SUMF1: variants seen among roughly 807,000 people sequenced by gnomAD.
SUMF1 encodes the protein sulfatase modifying factor 1.
In SUMF1, 48 loss-of-function variants were observed where a neutral mutation model predicts 47.6. The ratio of observed to expected loss-of-function variants is 1.01; its 90% CI spans 0.80 to 1.28. The LOEUF is 1.28. Among genes scored for constraint, SUMF1 ranks in the 50% most tolerant of loss-of-function variants. The pLI is 0.00. For synonymous variants in SUMF1, 230 were observed against 192.1 expected, an observed-to-expected ratio of 1.20 and a Z score of -1.63; for missense variants, 571 against 485.4, an observed-to-expected ratio of 1.18 and a Z score of -1.66.
At chr3:4,081,382 G>A (rs1364813579) in intron 8 of SUMF1, among the ~76,000 whole-genome samples, 3 of 152,080 alleles carry the variant, frequency 2.0e-5, no homozygotes, top group Non-Finnish European at 4.4e-5. Context: ...CAAGATCCCT[G>A]TCATATTCTC....
chr3:4,109,761 G>A (rs1451843794), intron 8 of SUMF1, among the ~76,000 whole-genome samples: 1 of 152,086 alleles, frequency 6.6e-6, no homozygotes, highest in Non-Finnish European at 1.5e-5. Context: ...CTTGTGCCAT[G>A]GTTTTCAGCT....
chr3:4,067,028 C>A (rs1256900226), intron 9 of SUMF1, among the ~76,000 whole-genome samples: 2 of 152,102 alleles, frequency 1.3e-5, no homozygotes, highest in African/African-American at 4.8e-5. Flanking sequence ...CTCATTATCC[C>A]CTGGTAATCA....
chr3:4,420,159 C>G lies in SUMF1; in HGVS notation c.520-13G>C. The G allele has an allele frequency of 6.2e-7, 1 of 1,611,490 alleles. No individual in the cohort carries two copies. Among genetic ancestry groups the G allele is most frequent in the Non-Finnish European group, 8.5e-7 (1 of 1,178,640 alleles). On this transcript the variant is annotated splice_polypyrimidine_tract_variant and intron_variant, in intron 3 of 8. Coordinates refer to ENST00000272902, the MANE Select transcript of SUMF1 (RefSeq NM_182760.4). ...GAGCAGCTGCAACCTCAAAGCAACC[C>G]AGAACAGGCTGATGTTAGCTACTAA... is the stretch of plus-strand genomic sequence containing the variant.
intron 8 of SUMF1, among the ~76,000 whole-genome samples, chr3:4,132,167 C>T (rs529075890): frequency 1.2e-4 from 19 of 152,228 alleles, no homozygotes; most frequent in South Asian, 2.1e-4. Flanking sequence ...TTTCCTATCC[C>T]GCTCACAATG....
At chr3:4,097,877 C>T (rs1309882080) in intron 8 of SUMF1, among the ~76,000 whole-genome samples, 1 of 152,074 alleles carries the variant, frequency 6.6e-6, no homozygotes, top group Non-Finnish European at 1.5e-5. Context: ...CAGTCAAGGG[C>T]CAGAAGTTGG....
At chr3:4,370,281 C>T (rs1027707484) in intron 8 of SUMF1, among the ~76,000 whole-genome samples, 1 of 152,084 alleles carries the variant, frequency 6.6e-6, no homozygotes, top group Non-Finnish European at 1.5e-5. Flanking sequence ...GGCTTCCTCA[C>T]TAAAACAACA....
At chr3:4,194,913 C>T (rs2125146338) in intron 8 of SUMF1, among the ~76,000 whole-genome samples, 1 of 152,208 alleles carries the variant, frequency 6.6e-6, no homozygotes, top group South Asian at 2.1e-4. Flanking sequence ...GTTAACACTT[C>T]TGTAAAGGAT....
At chr3:4,391,386 G>A (rs1257820297) in intron 7 of SUMF1, among the ~76,000 whole-genome samples, 1 of 152,102 alleles carries the variant, frequency 6.6e-6, no homozygotes, top group Non-Finnish European at 1.5e-5. Context: ...CTCCATTTGA[G>A]ATTCCCTTTA....
At chr3:4,452,064 T>G (rs1056354177) in intron 2 of SUMF1, among the ~76,000 whole-genome samples, 3 of 152,094 alleles carry the variant, frequency 2.0e-5, no homozygotes, top group African/African-American at 4.8e-5. Flanking sequence ...TGAAAGTTGT[T>G]TTACTTTAAA....
rs751215634 is a variant in SUMF1, at chr3:4,420,096, G to A, written c.570C>T (p.His190=). Residue 190 remains histidine (H), a synonymous_variant, in exon 4 of 9, where the codon CAC becomes CAT. Transcript: ENST00000272902. ...GAATAGTAGAGTCAGGCCCTTCTGGGTGTCTCCAGTTAGCGCCTTTCACAG... is the reference window on the plus strand; with the variant it reads ...GAATAGTAGAGTCAGGCCCTTCTGGATGTCTCCAGTTAGCGCCTTTCACAG... ...WLPVKGANWR[H]PEGPDSTILH... The A allele has an allele frequency of 6.2e-7, 1 of 1,614,120 alleles. No individual in the cohort carries two copies. The highest frequency in any genetic ancestry group is 8.5e-7 in the Non-Finnish European group (1 of 1,180,004).
chr3:4,193,437 C>G (rs1317086323), intron 8 of SUMF1, among the ~76,000 whole-genome samples: 1 of 152,008 alleles, frequency 6.6e-6, no homozygotes, highest in Non-Finnish European at 1.5e-5. Flanking sequence ...GCCAGTTGAT[C>G]AGAAGTGCAG....
chr3:4,095,676 C>A (rs1214382866), intron 8 of SUMF1, among the ~76,000 whole-genome samples: 1 of 152,060 alleles, frequency 6.6e-6, no homozygotes, highest in Non-Finnish European at 1.5e-5. Context: ...AATTCATATT[C>A]CTGACTGCCT....
chr3:4,177,316 G>C (rs1387555505), intron 8 of SUMF1, among the ~76,000 whole-genome samples: 1 of 152,052 alleles, frequency 6.6e-6, no homozygotes, highest in African/African-American at 2.4e-5. Context: ...AAATGTAAAA[G>C]AAAAGAAATC....
At chr3:4,356,367 C>T (rs1273616663), downstream of SUMF1, among the ~76,000 whole-genome samples, 1 of 152,140 alleles carries the variant, frequency 6.6e-6, no homozygotes, top group Non-Finnish European at 1.5e-5. Flanking sequence ...AAATGGGCTG[C>T]CAGTGGCTCT....
chr3:4,384,172 A>C (rs62257913), intron 7 of SUMF1, among the ~76,000 whole-genome samples: 33,789 of 152,178 alleles, frequency 0.22, 4,187 homozygotes, highest in African/African-American at 0.33. Context: ...AAAACTGCTT[A>C]GTATTTCTTA....
intron 8 of SUMF1, among the ~76,000 whole-genome samples, chr3:4,310,554 T>G (rs946444352): frequency 6.6e-6 from 1 of 152,206 alleles, no homozygotes; most frequent in Non-Finnish European, 1.5e-5. Flanking sequence ...CTGTTTTCTT[T>G]TGGAAGATAT....
chr3:4,038,353 T>C (rs1694841427), intron 9 of SUMF1, among the ~76,000 whole-genome samples: 1 of 152,138 alleles, frequency 6.6e-6, no homozygotes, highest in African/African-American at 2.4e-5. Flanking sequence ...GGAGAAGGAC[T>C]GGCCTCCTCC....
chr3:4,168,280 A>G (rs984638157), intron 8 of SUMF1, among the ~76,000 whole-genome samples: 1 of 152,174 alleles, frequency 6.6e-6, no homozygotes, highest in African/African-American at 2.4e-5. Context: ...CTGCCCAAAA[A>G]CATATGCAAA....
In SUMF1 at chr3:4,361,994, C is replaced by T. The variant is rs185951165; in HGVS notation, c.*150G>A. ...CACTGACCCAGGTCAGCAATTTGGT[C>T]TCACAAGGCGGTTCCTTTGGCCATT... On this transcript the variant is annotated 3_prime_UTR_variant, in exon 9 of 9. Coordinates refer to ENST00000272902, the MANE Select transcript of SUMF1 (RefSeq NM_182760.4). 5.3e-5 allele frequency: 37 copies of T among 694,480 alleles called. No homozygotes were observed. The East Asian group carries it at 9.6e-4, about 18-fold the overall frequency. 43.0% of individuals were successfully genotyped at this position (694,480 alleles called of 1,614,324 possible). A position where few individuals can be genotyped will look rare whatever the true frequency, so the allele number is the denominator to read the frequency against.
Sources: gnomAD v4.1 joint callset for allele counts (sites outside exome capture counted in the v4.1 genomes callset) on GRCh38, gnomAD v4.1.1 for gene constraint, MANE v1.5 for transcripts, NCBI Gene and HGNC (gene_info 2026-07-23, HGNC 2026-07-21) for gene names.